The following NUP210L variants were observed in gnomAD, a reference collection of about 807,000 sequenced individuals.
NUP210L encodes the protein nuclear pore membrane glycoprotein 210-like.
In NUP210L, 74 loss-of-function variants were observed where a neutral mutation model predicts 208.5. The ratio of observed to expected loss-of-function variants is 0.35; its 90% CI spans 0.29 to 0.43. The LOEUF (loss-of-function observed/expected upper bound fraction) is 0.43. Among genes scored for constraint, NUP210L ranks in the 20% least tolerant of loss-of-function variants. NUP210L has a pLI of 1.00. For synonymous variants in NUP210L, 780 were observed against 816.9 expected, an observed-to-expected ratio of 0.95 and a Z score of 0.77; for missense variants, 1,843 against 2,289.4, an observed-to-expected ratio of 0.81 and a Z score of 3.98.
rs1333839470 is a variant in NUP210L at position 154,055,146 on chromosome 1, TC to T, written c.3241-315del. 4.0e-3 allele frequency among the ~76,000 whole-genome samples: 362 copies of T among 90,248 alleles called. 3 individuals carry two copies. The highest frequency in any genetic ancestry group is 0.016 in the East Asian group (44 of 2,728). 59.2% of individuals were successfully genotyped at this position (90,248 alleles called of 152,430 possible). A position where few individuals can be genotyped will look rare whatever the true frequency, so the allele number is the denominator to read the frequency against. The stretch of plus-strand genomic sequence containing the variant: ...TCTTTTCTTTCTTTCTTTCTTTCTT[TC>T]TTTCTTTCTTTCTTTCTTTCTTTCT... On this transcript the variant is annotated intron_variant, in intron 23 of 39. Transcript: ENST00000368559.
At chr1:154,104,642 A>AT (rs1176130887) in intron 12 of NUP210L, 1 of 152,692 alleles carries the variant, frequency 6.5e-6, no homozygotes, top group African/African-American at 2.4e-5. Flanking sequence ...ACAGGGCAGA[A>AT]TTCAGTCAGT....
chr1:154,129,644 A>G (rs1192473942), intron 7 of NUP210L, among the ~76,000 whole-genome samples: 1 of 152,210 alleles, frequency 6.6e-6, no homozygotes, highest in Non-Finnish European at 1.5e-5. Flanking sequence ...CCTTTCTCCA[A>G]ATAAATACCT....
At chr1:154,145,376 C>T (rs926452115) in intron 2 of NUP210L, among the ~76,000 whole-genome samples, 1 of 151,910 alleles carries the variant, frequency 6.6e-6, no homozygotes, top group Non-Finnish European at 1.5e-5. Context: ...CAAGATTGTG[C>T]CACTGCACTC....
At chr1:154,104,130 G>A (rs1656625792) in exon 13 of NUP210L, 4 of 1,613,558 alleles carry the variant, frequency 2.5e-6, no homozygotes, top group Non-Finnish European at 3.4e-6. Flanking sequence ...ACATTGCAAT[G>A]GGTATTTCTA....
At chr1:154,068,736 A>G (rs1287280749) in intron 17 of NUP210L, among the ~76,000 whole-genome samples, 1 of 152,038 alleles carries the variant, frequency 6.6e-6, no homozygotes, top group African/African-American at 2.4e-5. Context: ...CAAAAAACCA[A>G]ACACCACATA....
intron 17 of NUP210L, 26 bp downstream of exon 17, chr1:154,070,247 A>G: frequency 1.3e-6 from 2 of 1,522,908 alleles, no homozygotes; most frequent in Non-Finnish European, 1.8e-6. Context: ...CAGGTATATG[A>G]AAAGACTTGT....
chr1:154,116,744 A>T (rs746600190), intron 12 of NUP210L, among the ~76,000 whole-genome samples: 7 of 152,130 alleles, frequency 4.6e-5, no homozygotes, highest in Non-Finnish European at 1.0e-4. Context: ...AGAAAAAATA[A>T]AGGAGAAAAA....
chr1:154,037,075 A>G (rs1652597525), intron 27 of NUP210L, among the ~76,000 whole-genome samples: 1 of 152,174 alleles, frequency 6.6e-6, no homozygotes, highest in African/African-American at 2.4e-5. Flanking sequence ...AAATTTTTTT[A>G]ATTTTTAAAA....
At chr1:154,054,919 TAGACAGAG>T in intron 23 of NUP210L, 87 bp from the exon 24 acceptor site, 9 of 791,996 alleles carry the variant, frequency 1.1e-5, no homozygotes, top group Non-Finnish European at 1.7e-5. Flanking sequence ...TTTTTTTTTT[TAGACAGAG>T]TCTTGCTCTG....
intron 35 of NUP210L, among the ~76,000 whole-genome samples, chr1:154,004,458 C>T (rs1370263653): frequency 2.6e-5 from 4 of 151,934 alleles, no homozygotes; most frequent in Admixed American, 2.0e-4. Flanking sequence ...AGCTCTGCCT[C>T]CCTGGTTCAA....
exon 14 of NUP210L, chr1:154,100,017 G>A (rs762692937): frequency 6.2e-7 from 1 of 1,614,108 alleles, no homozygotes; most frequent in Non-Finnish European, 8.5e-7. Context: ...TTCATAAGCA[G>A]CAAATGTAGC....
At chr1:154,060,120 T>G (rs1157424383) in intron 20 of NUP210L, among the ~76,000 whole-genome samples, 1 of 152,244 alleles carries the variant, frequency 6.6e-6, no homozygotes, top group East Asian at 1.9e-4. Flanking sequence ...GCTCCTGTAA[T>G]CCCAGCTACT....
chr1:154,123,207 G>A (rs866239355), intron 10 of NUP210L, among the ~76,000 whole-genome samples: 37 of 152,096 alleles, frequency 2.4e-4, no homozygotes, highest in African/African-American at 8.4e-4. Context: ...GTGCAATGGC[G>A]CAACCTCGGC....
At chr1:154,096,756 GA>G (rs926128925) in intron 14 of NUP210L, among the ~76,000 whole-genome samples, 88 of 139,750 alleles carry the variant, frequency 6.3e-4, no homozygotes, top group Non-Finnish European at 5.5e-4. Flanking sequence ...TTGGTCTCAG[GA>G]AAAAAAAAAA....
chr1:154,032,988 GAAAAGAAAGAAAGAAA>G (rs1652335647), intron 27 of NUP210L, among the ~76,000 whole-genome samples: 1 of 124,444 alleles, frequency 8.0e-6, no homozygotes, highest in Non-Finnish European at 1.8e-5. Context: ...GAAAAGAAAA[GAAAAGAAAGAAAGAAA>G]AAAAGAAAGA....
At chr1:153,995,791 C>T in intron 37 of NUP210L, 1 of 654,622 alleles carries the variant, frequency 1.5e-6, no homozygotes, top group Non-Finnish European at 2.9e-6. Flanking sequence ...AGGCAGACTT[C>T]AAGGGATTCG....
intron 10 of NUP210L, among the ~76,000 whole-genome samples, chr1:154,121,384 T>C (rs1469854655): frequency 1.3e-5 from 2 of 152,178 alleles, no homozygotes; most frequent in South Asian, 2.1e-4. Context: ...CTATCTATGA[T>C]AACTAGACTA....
At chr1:154,089,544 T>C in exon 16 of NUP210L, 1 of 1,614,156 alleles carries the variant, frequency 6.2e-7, no homozygotes, top group Non-Finnish European at 8.5e-7. Context: ...CCTCTACAGC[T>C]GGACTAGGGT....
chr1:153,996,583 G>T (rs1378495948), intron 37 of NUP210L, among the ~76,000 whole-genome samples: 2 of 151,966 alleles, frequency 1.3e-5, no homozygotes, highest in East Asian at 3.9e-4. Flanking sequence ...CACCATGCCT[G>T]GCTAATTTTC....
Sources: gnomAD v4.1 joint callset for allele counts (sites outside exome capture counted in the v4.1 genomes callset) on GRCh38, gnomAD v4.1.1 for gene constraint, MANE v1.5 for transcripts, NCBI Gene and HGNC (gene_info 2026-07-23, HGNC 2026-07-21) for gene names.